C9orf85: variants seen among roughly 807,000 people sequenced by gnomAD.
The protein encoded by C9orf85 is chromosome 9 open reading frame 85.
In C9orf85, 16 loss-of-function variants were observed where a neutral mutation model predicts 14.9. The ratio of observed to expected loss-of-function variants is 1.08; its 90% CI spans 0.73 to 1.63. The LOEUF (loss-of-function observed/expected upper bound fraction) is 1.63. Among genes scored for constraint, C9orf85 ranks in the 40% most tolerant of loss-of-function variants. The pLI is 0.00. For missense variants in C9orf85, 172 were observed against 186.1 expected, an observed-to-expected ratio of 0.92 and a Z score of 0.44; for synonymous variants, 45 against 56.8, an observed-to-expected ratio of 0.79 and a Z score of 0.93.
At chr9:71,957,686 T>C (rs911544163) in intron 2 of C9orf85, among the ~76,000 whole-genome samples, 4 of 152,210 alleles carry the variant, frequency 2.6e-5, no homozygotes, top group African/African-American at 9.6e-5. Context: ...AATTAAAAGA[T>C]AGTAAATACT....
Position 71,947,074 on chromosome 9 carries a change from A to C in C9orf85, c.171A>C (p.Lys57Asn), listed in dbSNP as rs748244374. The C allele has an allele frequency of 5.0e-6, 8 of 1,613,434 alleles. No homozygotes were observed. In the Admixed American group the frequency reaches 6.7e-5, roughly 13 times the overall value. The change falls in exon 2 of 4, where the codon AAA becomes AAC. Residue 57 changes from lysine to asparagine, a missense_variant. Lys to Asn is a moderately conservative substitution (Grantham distance 94, BLOSUM62 0). Coordinates refer to ENST00000334731, the MANE Select transcript of C9orf85 (RefSeq NM_182505.5). ...RCKEVLEWRV[K>N]YSKYKPLSKP... ...AAGAAGTTCTTGAGTGGCGTGTAAA[A>C]TACAGCAAATACAAACCATTATCAA...
intron 1 of C9orf85, among the ~76,000 whole-genome samples, chr9:71,921,383 T>C (rs1827800362): frequency 6.6e-6 from 1 of 152,222 alleles, no homozygotes; most frequent in African/African-American, 2.4e-5. Context: ...AAGGCAAGCA[T>C]TTCTTTATGC....
At chr9:71,940,431 C>T (rs182121240) in intron 1 of C9orf85, among the ~76,000 whole-genome samples, 2 of 152,120 alleles carry the variant, frequency 1.3e-5, no homozygotes, top group Admixed American at 1.3e-4. Flanking sequence ...GAGATTTTGT[C>T]TCTTAAAGAA....
rs866376201 is a variant in C9orf85 at position 71,968,103 on chromosome 9, G to T, written c.210-3402G>T. 1.8e-3 allele frequency among the ~76,000 whole-genome samples: 244 copies of T among 138,818 alleles called. 1 individual carries two copies. The highest frequency in any genetic ancestry group is 7.9e-3 in the East Asian group (37 of 4,684). 91.1% of individuals were successfully genotyped at this position (138,818 alleles called of 152,430 possible). On this transcript the variant is annotated intron_variant, in intron 2 of 3. Coordinates refer to ENST00000334731, the MANE Select transcript of C9orf85 (RefSeq NM_182505.5). ...CCATTGCTGCATATATATATATATA[G>T]AGAGAGAGAGAGAGAGTGCATGCAA... is the stretch of plus-strand genomic sequence containing the variant.
At chr9:71,969,820 T>C (rs1822809275) in intron 2 of C9orf85, among the ~76,000 whole-genome samples, 1 of 152,196 alleles carries the variant, frequency 6.6e-6, no homozygotes, top group Non-Finnish European at 1.5e-5. Context: ...TCCTCTTTGA[T>C]CTGTGGGTTA....
At chr9:71,964,765 G>A (rs1358220650) in intron 2 of C9orf85, among the ~76,000 whole-genome samples, 1 of 152,208 alleles carries the variant, frequency 6.6e-6, no homozygotes, top group Non-Finnish European at 1.5e-5. Flanking sequence ...CTGACCTGGG[G>A]TGCTTGGCCT....
chr9:71,961,288 G>A (rs1822517048), intron 2 of C9orf85, among the ~76,000 whole-genome samples: 2 of 151,988 alleles, frequency 1.3e-5, no homozygotes, highest in East Asian at 2.0e-4. Context: ...ACGGCCAGGC[G>A]CAGTGGCTCA....
chr9:71,943,098 T>A (rs1329536375), intron 1 of C9orf85, among the ~76,000 whole-genome samples: 1 of 152,176 alleles, frequency 6.6e-6, no homozygotes, highest in Non-Finnish European at 1.5e-5. Context: ...TTTCTATTTC[T>A]GGAGTAACAT....
intron 1 of C9orf85, among the ~76,000 whole-genome samples, chr9:71,922,235 G>A (rs949975292): frequency 6.6e-6 from 1 of 152,016 alleles, no homozygotes; most frequent in African/African-American, 2.4e-5. Flanking sequence ...CACCGTGCCT[G>A]GCTGGTTGGT....
At chr9:71,937,445 T>A (rs944685115) in intron 1 of C9orf85, among the ~76,000 whole-genome samples, 3 of 151,540 alleles carry the variant, frequency 2.0e-5, no homozygotes, top group Non-Finnish European at 4.4e-5. Context: ...TGATCAGAAC[T>A]CATTTTATAT....
At chr9:71,915,187 T>TA (rs1564080470) in intron 1 of C9orf85, among the ~76,000 whole-genome samples, 29 of 149,342 alleles carry the variant, frequency 1.9e-4, no homozygotes, top group African/African-American at 4.6e-4. Context: ...ATTATTATTT[T>TA]TTTTTTTTTT....
intron 2 of C9orf85, among the ~76,000 whole-genome samples, chr9:71,962,413 A>T (rs1393865125): frequency 1.3e-5 from 2 of 152,218 alleles, no homozygotes; most frequent in African/African-American, 4.8e-5. Flanking sequence ...ACTACAGATG[A>T]CTTAGAGCCA....
At chr9:71,939,336 T>TG in intron 1 of C9orf85, among the ~76,000 whole-genome samples, 1 of 151,902 alleles carries the variant, frequency 6.6e-6, no homozygotes, top group South Asian at 2.1e-4. Context: ...CCAAAGACAT[T>TG]GGAAAAAAAA....
downstream of C9orf85, among the ~76,000 whole-genome samples, chr9:71,976,580 T>C (rs1157835683): frequency 6.6e-6 from 1 of 150,844 alleles, no homozygotes; most frequent in African/African-American, 2.4e-5. Context: ...GAGAATGGCA[T>C]GAACCCGGGA....
chr9:71,933,433 A>G (rs77834772), intron 1 of C9orf85, among the ~76,000 whole-genome samples: 3 of 152,214 alleles, frequency 2.0e-5, no homozygotes, highest in South Asian at 2.1e-4. Flanking sequence ...ACTTTTTCCT[A>G]CTACACAAAT....
chr9:71,916,902 A>T (rs1442613302), intron 1 of C9orf85, among the ~76,000 whole-genome samples: 2 of 152,200 alleles, frequency 1.3e-5, no homozygotes, highest in African/African-American at 4.8e-5. Flanking sequence ...ATTAGGCACT[A>T]TGTTTAGGCA....
chr9:71,977,341 C>T (rs189243989), downstream of C9orf85, among the ~76,000 whole-genome samples: 1 of 152,186 alleles, frequency 6.6e-6, no homozygotes, highest in East Asian at 1.9e-4. Context: ...GTTTTATAAC[C>T]CTATTTTATA....
intron 2 of C9orf85, among the ~76,000 whole-genome samples, chr9:71,963,340 C>T (rs1822578034): frequency 6.6e-6 from 1 of 152,142 alleles, no homozygotes; most frequent in African/African-American, 2.4e-5. Flanking sequence ...TGGCGGTGTG[C>T]TGCTTCCAAG....
At chr9:71,934,195 TTA>T (rs1828135774) in intron 1 of C9orf85, among the ~76,000 whole-genome samples, 1 of 16,944 alleles carries the variant, frequency 5.9e-5, no homozygotes, top group Non-Finnish European at 1.2e-3. Flanking sequence ...AATACAAAAA[TTA>T]GACAGGTGTT....
Sources: gnomAD v4.1 joint callset for allele counts (sites outside exome capture counted in the v4.1 genomes callset) on GRCh38, gnomAD v4.1.1 for gene constraint, MANE v1.5 for transcripts, NCBI Gene and HGNC (gene_info 2026-07-23, HGNC 2026-07-21) for gene names.